The following NKAIN2 variants were observed in gnomAD, a reference collection of about 807,000 sequenced individuals.
The protein encoded by NKAIN2 is sodium/potassium-transporting ATPase subunit beta-1-interacting protein 2.
NKAIN2 carries 14 observed loss-of-function variants against 32.6 expected under a neutral mutation model. The observed-to-expected ratio is 0.43, with a 90% confidence interval of 0.28 to 0.67. The LOEUF (loss-of-function observed/expected upper bound fraction) is 0.67. Ranked by LOEUF, NKAIN2 falls within the 30% of genes least tolerant of loss-of-function variation. The probability of loss-of-function intolerance (pLI) is 0.17; values close to 1 mark genes in which losing one functional copy is unlikely to be tolerated. For missense variants in NKAIN2, 198 were observed against 258.3 expected (o/e 0.77, Z 1.60); for synonymous variants, 80 against 87.2 (o/e 0.92, Z 0.46).
At chr6:124,260,283 T>G (rs1160503834) in intron 1 of NKAIN2, among the ~76,000 whole-genome samples, 1 of 152,010 alleles carries the variant, frequency 6.6e-6, no homozygotes, top group African/African-American at 2.4e-5. Flanking sequence ...GAGAAATCAG[T>G]AAGATAAAAA....
At chr6:124,251,515 T>G (rs1793690360) in intron 1 of NKAIN2, among the ~76,000 whole-genome samples, 1 of 151,816 alleles carries the variant, frequency 6.6e-6, no homozygotes, top group African/African-American at 2.4e-5. Context: ...ATACTAGCAC[T>G]CAGTAGAAGA....
chr6:124,186,110 TG>T (rs1789713937), intron 1 of NKAIN2, among the ~76,000 whole-genome samples: 1 of 132,492 alleles, frequency 7.5e-6, no homozygotes, highest in South Asian at 2.3e-4. Flanking sequence ...AGTAAGACCC[TG>T]TCTTTACAAA....
intron 3 of NKAIN2, among the ~76,000 whole-genome samples, chr6:124,504,537 G>T (rs1240344534): frequency 1.3e-5 from 2 of 152,066 alleles, no homozygotes; most frequent in African/African-American, 4.8e-5. Context: ...ACATTTTATT[G>T]TTTCTCAACA....
chr6:123,879,427 C>G (rs1328863478), intron 1 of NKAIN2, among the ~76,000 whole-genome samples: 3 of 152,154 alleles, frequency 2.0e-5, no homozygotes, highest in African/African-American at 7.2e-5. Flanking sequence ...GTTGCTATAA[C>G]AAAGAAATCT....
chr6:124,470,616 G>C (rs1013824908), intron 3 of NKAIN2, among the ~76,000 whole-genome samples: 1 of 152,106 alleles, frequency 6.6e-6, no homozygotes, highest in Non-Finnish European at 1.5e-5. Context: ...TCTTTTCTCT[G>C]ATCATCCAGA....
At position 124,378,998 on chromosome 6, in the gene NKAIN2, G is replaced by C. The variant is rs1800107142; in HGVS notation, c.273+23651G>C. Among the ~76,000 whole-genome samples, 6 of 148,718 alleles carry C rather than the reference G, an allele frequency of 4.0e-5. No homozygotes were observed. The South Asian group carries it at 1.3e-3, about 33-fold the overall frequency. ...TACCAGCTACTTATGAGGCTGCTGTGGGAGGATGACCTGGGCCCAGGAGTT... is the reference window on the plus strand; with the variant it reads ...TACCAGCTACTTATGAGGCTGCTGTCGGAGGATGACCTGGGCCCAGGAGTT... On this transcript the variant is annotated intron_variant, in intron 3 of 6. Transcript: ENST00000368417.
chr6:124,713,932 T>C (rs1775622547), intron 4 of NKAIN2, among the ~76,000 whole-genome samples: 1 of 152,222 alleles, frequency 6.6e-6, no homozygotes, highest in African/African-American at 2.4e-5. Context: ...GTAGTTTTTA[T>C]CTCCAAGAAG....
chr6:124,490,135 A>T (rs1347261977), intron 3 of NKAIN2, among the ~76,000 whole-genome samples: 1 of 151,820 alleles, frequency 6.6e-6, no homozygotes, highest in Non-Finnish European at 1.5e-5. Context: ...CCTTGACCTT[A>T]TTCAGTAGAA....
At chr6:124,742,237 AT>A (rs1777248816) in intron 4 of NKAIN2, among the ~76,000 whole-genome samples, 1 of 151,854 alleles carries the variant, frequency 6.6e-6, no homozygotes, top group Non-Finnish European at 1.5e-5. Context: ...AGAAAAGATT[AT>A]TATTTGAATC....
intron 3 of NKAIN2, among the ~76,000 whole-genome samples, chr6:124,419,019 G>A (rs973179200): frequency 6.6e-6 from 1 of 152,080 alleles, no homozygotes; most frequent in Non-Finnish European, 1.5e-5. Context: ...CATTGTCTGA[G>A]TGTCTGCTTC....
At chr6:123,947,277 G>A (rs1242715976) in intron 1 of NKAIN2, among the ~76,000 whole-genome samples, 1 of 152,150 alleles carries the variant, frequency 6.6e-6, no homozygotes, top group Non-Finnish European at 1.5e-5. Context: ...TTCTAGATCT[G>A]ACTATGAACT....
At chr6:124,596,948 C>T (rs1782116750) in intron 3 of NKAIN2, among the ~76,000 whole-genome samples, 1 of 152,012 alleles carries the variant, frequency 6.6e-6, no homozygotes, top group Non-Finnish European at 1.5e-5. Context: ...AGTCCAAAGG[C>T]AGGAGAAGAC....
chr6:124,585,734 TTAC>T (rs1459290279), intron 3 of NKAIN2, among the ~76,000 whole-genome samples: 3 of 151,100 alleles, frequency 2.0e-5, no homozygotes, highest in African/African-American at 7.4e-5. Flanking sequence ...TAAGTTATTA[TTAC>T]ACACTTATTA....
chr6:124,187,217 T>C (rs1311819282), intron 1 of NKAIN2, among the ~76,000 whole-genome samples: 4 of 152,188 alleles, frequency 2.6e-5, no homozygotes, highest in Admixed American at 6.5e-5. Context: ...TAACCTGATA[T>C]GGATGGATTA....
At chr6:124,206,522 A>G (rs1790894815) in intron 1 of NKAIN2, among the ~76,000 whole-genome samples, 1 of 151,882 alleles carries the variant, frequency 6.6e-6, no homozygotes, top group African/African-American at 2.4e-5. Flanking sequence ...CTTCCAATGA[A>G]TTTGAAAATG....
At chr6:124,778,580 T>G (rs1329381586) in intron 4 of NKAIN2, among the ~76,000 whole-genome samples, 1 of 152,008 alleles carries the variant, frequency 6.6e-6, no homozygotes, top group Non-Finnish European at 1.5e-5. Context: ...TAGAATTAGT[T>G]TGATATAAAT....
In NKAIN2 at chr6:123,804,142, TG is replaced by T; in HGVS notation, c.-54del. Reference sequence around the variant, plus strand: ...TTCCCCGCGATCTGATTGGATAAAGTGGGGGCTCGACGGTGGCCGACGTGGG... The same window carrying T: ...TTCCCCGCGATCTGATTGGATAAAGTGGGGCTCGACGGTGGCCGACGTGGG... On this transcript the variant is annotated 5_prime_UTR_variant, in exon 1 of 7. Transcript: ENST00000368417. 2 of 1,481,356 alleles carry T rather than the reference TG, an allele frequency of 1.4e-6. No homozygotes were observed. The highest frequency in any genetic ancestry group is 1.9e-6 in the Non-Finnish European group (2 of 1,060,026). The allele number at this position is 1,481,356 out of a possible 1,614,324, so 91.8% of individuals were successfully genotyped here. A position where few individuals can be genotyped will look rare whatever the true frequency, so the allele number is the denominator to read the frequency against.
intron 1 of NKAIN2, among the ~76,000 whole-genome samples, chr6:123,975,041 G>T (rs970909199): frequency 6.6e-5 from 10 of 152,050 alleles, no homozygotes; most frequent in Non-Finnish European, 1.0e-4. Flanking sequence ...GTTATTAAGG[G>T]GAAGGGAGAG....
chr6:124,486,389 A>G (rs1321838127), intron 3 of NKAIN2, among the ~76,000 whole-genome samples: 2 of 152,070 alleles, frequency 1.3e-5, no homozygotes, highest in Non-Finnish European at 2.9e-5. Flanking sequence ...TTACTCCTTT[A>G]TTTTTAATGT....
Sources: gnomAD v4.1 joint callset for allele counts (sites outside exome capture counted in the v4.1 genomes callset) on GRCh38, gnomAD v4.1.1 for gene constraint, MANE v1.5 for transcripts, NCBI Gene and HGNC (gene_info 2026-07-23, HGNC 2026-07-21) for gene names.